The following C1QTNF8 variants were observed in gnomAD, a reference collection of about 807,000 sequenced individuals.
C1QTNF8 encodes the protein complement C1q tumor necrosis factor-related protein 8.
C1QTNF8 carries 27 observed loss-of-function variants against 19.2 expected under a neutral mutation model. The ratio of observed to expected loss-of-function variants is 1.41; its 90% CI spans 1.04 to 1.94. The LOEUF is 1.94. Among genes scored for constraint, C1QTNF8 ranks in the 30% most tolerant of loss-of-function variants. The pLI, the probability that C1QTNF8 is intolerant of heterozygous loss-of-function variation, is 0.00. For synonymous variants in C1QTNF8, 208 were observed against 172.8 expected (o/e 1.20, Z -1.60); for missense variants, 484 against 374.4 (o/e 1.29, Z -2.42).
rs1567392820 is a variant in C1QTNF8 at position 1,093,500 on chromosome 16, G to GCTACAGCT, written c.752_759dup. 6.6e-7 allele frequency: 1 copy of GCTACAGCT among 1,512,378 alleles called. No homozygotes were observed. The highest frequency in any genetic ancestry group is 2.4e-5 in the East Asian group (1 of 42,164). The allele number at this position is 1,512,378 out of a possible 1,614,324, so 93.7% of individuals were successfully genotyped here. A position where few individuals can be genotyped will look rare whatever the true frequency, so the allele number is the denominator to read the frequency against. On this transcript the variant is annotated 3_prime_UTR_variant, in exon 4 of 5. Transcript: ENST00000328449. ...GCTCAGCCGCGGGGCCCCTCACCCG[G>GCTACAGCT]CTACAGCTCGGCGGCCGGCTTGACC...
chr16:1,095,033 C>G, intron 2 of C1QTNF8, 100 bp from the exon 3 acceptor site: 1 of 481,666 alleles, frequency 2.1e-6, no homozygotes, highest in Non-Finnish European at 3.4e-6. Context: ...GGGAATACAG[C>G]CAGTGGAGGC....
In C1QTNF8 at chr16:1,093,574, G is replaced by T. The variant is rs1202327665; in HGVS notation, c.686C>A (p.Ala229Asp). Residue 229 changes from alanine (A) to aspartate (D), a missense_variant, in exon 4 of 5, where the codon GCC (alanine) becomes GAC (aspartate). Ala to Asp is a moderately radical substitution (Grantham distance 126, BLOSUM62 -2). Transcript: ENST00000328449. ...VRMFQRDRDN[A>D]IYGEHGDLYI... ...GAGGTCTCCGTGCTCGCCGTAGATG[G>T]CGTTGTCCCGGTCGCGCTGGAACAT... The T allele has an allele frequency of 6.3e-7, 1 of 1,598,718 alleles. No homozygotes were observed. Among genetic ancestry groups the T allele is most frequent in the Admixed American group, 1.7e-5 (1 of 58,640 alleles).
intron 3 of C1QTNF8, 149 bp downstream of exon 3, chr16:1,094,566 G>A (rs1960643665): frequency 5.4e-6 from 3 of 559,662 alleles, no homozygotes; most frequent in South Asian, 3.0e-5. Flanking sequence ...GGGAGCCCAG[G>A]GGTCCCTGTG....
chr16:1,091,455 C>A (rs1284340746), intron 4 of C1QTNF8, among the ~76,000 whole-genome samples: 1 of 152,046 alleles, frequency 6.6e-6, no homozygotes, highest in African/African-American at 2.4e-5. Context: ...GGAGGTGGTT[C>A]CAGAGACAAG....
At chr16:1,091,799 G>C (rs1960549378) in intron 4 of C1QTNF8, among the ~76,000 whole-genome samples, 1 of 150,696 alleles carries the variant, frequency 6.6e-6, no homozygotes, top group South Asian at 2.1e-4. Flanking sequence ...GCGCTCAGCC[G>C]CGTGTTTCCT....
intron 4 of C1QTNF8, among the ~76,000 whole-genome samples, chr16:1,091,947 G>C (rs148072546): frequency 6.6e-6 from 1 of 152,232 alleles, no homozygotes; most frequent in Non-Finnish European, 1.5e-5. Flanking sequence ...CCGGGCAGGT[G>C]CTTGGCAAAT....
Position 1,093,729 on chromosome 16 carries a change from C to G in C1QTNF8, c.531G>C (p.Glu177Asp), listed in dbSNP as rs762444272. The change falls in exon 4 of 5, where the codon GAG (glutamate) becomes GAC (aspartate). Residue 177 changes from glutamate (E) to aspartate (D), a missense_variant. Transcript: ENST00000328449. ...SLNVHTWNYK[E>D]TYLHIMLNRR... Reference sequence around the variant, plus strand: ...GGTTCAGCATGATGTGCAGGTAGGTCTCCTTGTAGTTCCAGGTGTGCACGT... The same window carrying G: ...GGTTCAGCATGATGTGCAGGTAGGTGTCCTTGTAGTTCCAGGTGTGCACGT... The G allele has an allele frequency of 6.2e-7, 1 of 1,611,964 alleles. No homozygotes were observed. The highest frequency in any genetic ancestry group is 1.3e-5 in the African/African-American group (1 of 74,908).
At chr16:1,094,654 A>T in intron 3 of C1QTNF8, 61 bp downstream of exon 3, 1 of 1,427,684 alleles carries the variant, frequency 7.0e-7, no homozygotes, top group Non-Finnish European at 9.6e-7. Flanking sequence ...GGTGCTCCCC[A>T]CTCCCTGTGG....
At chr16:1,093,170 TCCCTGCACACAG>T in intron 4 of C1QTNF8, among the ~76,000 whole-genome samples, 2 of 144,978 alleles carry the variant, frequency 1.4e-5, no homozygotes, top group Admixed American at 6.8e-5. Context: ...GCTCAATCAA[TCCCTGCACACAG>T]TCGGCGCTCA....
Position 1,094,923 on chromosome 16 carries a change from C to A in C1QTNF8, c.-1G>T. 2 of 1,296,938 alleles carry A rather than the reference C, an allele frequency of 1.5e-6. No individual in the cohort carries two copies. Among genetic ancestry groups the A allele is most frequent in the Non-Finnish European group, 2.0e-6 (2 of 1,014,606 alleles). 80.3% of individuals were successfully genotyped at this position (1,296,938 alleles called of 1,614,324 possible). ...GGAGCAGCAGGGCGGGGGCTGCCAT[C>A]TTGGCCAGGGCTGGGGGAGAGGAAA... On this transcript the variant is annotated 5_prime_UTR_variant, in exon 3 of 5. Coordinates refer to ENST00000328449, the MANE Select transcript of C1QTNF8 (RefSeq NM_207419.3).
rs1397435231 is a variant in C1QTNF8, at chr16:1,090,214, G to C, written c.*385C>G. The C allele has an allele frequency of 6.6e-6, 1 of 152,428 alleles. No homozygotes were observed. The highest frequency in any genetic ancestry group is 2.4e-5 in the African/African-American group (1 of 41,460). 9.4% of individuals were successfully genotyped at this position (152,428 alleles called of 1,614,324 possible). A position where few individuals can be genotyped will look rare whatever the true frequency, so the allele number is the denominator to read the frequency against. On this transcript the variant is annotated 3_prime_UTR_variant, in exon 5 of 5. Coordinates refer to ENST00000328449, the MANE Select transcript of C1QTNF8 (RefSeq NM_207419.3). ...CGGGGCCACTTGGGGGTGCTGAGGGGCAGCCTGGCCCCAGGGACAGCCTCA... is the reference window on the plus strand; with the variant it reads ...CGGGGCCACTTGGGGGTGCTGAGGGCCAGCCTGGCCCCAGGGACAGCCTCA...
chr16:1,093,603 C>T lies in C1QTNF8; in HGVS notation c.657G>A (p.Val219=). 2 of 1,603,166 alleles carry T rather than the reference C, an allele frequency of 1.2e-6. No individual in the cohort carries two copies. The highest frequency in any genetic ancestry group is 1.7e-6 in the Non-Finnish European group (2 of 1,175,276). Residue 219 remains valine (V), a synonymous_variant, in exon 4 of 5, where the codon GTG becomes GTA. Coordinates refer to ENST00000328449, the MANE Select transcript of C1QTNF8 (RefSeq NM_207419.3). ...LLLAAGDAVW[V]RMFQRDRDNA... is the part of the protein sequence containing the mutation. ...TGTCCCGGTCGCGCTGGAACATGCG[C>T]ACCCAGACGGCGTCGCCCGCCGCCA...
rs755605082 is a variant in C1QTNF8, at chr16:1,093,922, C to G, written c.338G>C (p.Arg113Pro). 2.6e-6 allele frequency: 4 copies of G among 1,513,176 alleles called. No homozygotes were observed. The South Asian group carries it at 5.0e-5, about 19-fold the overall frequency. The allele number at this position is 1,513,176 out of a possible 1,614,324, so 93.7% of individuals were successfully genotyped here. A position where few individuals can be genotyped will look rare whatever the true frequency, so the allele number is the denominator to read the frequency against. Residue 113 changes from arginine (R) to proline (P), a missense_variant, in exon 4 of 5, where the codon CGA (arginine) becomes CCA (proline). Transcript: ENST00000328449. ...GQVGPPGAAC[R>P]RAYAAFSVGR... Reference sequence around the variant, plus strand: ...CACGGAGAAGGCGGCGTAGGCACGTCGGCACGCGGCGCCCGGCGGCCCCAC... The same window carrying G: ...CACGGAGAAGGCGGCGTAGGCACGTGGGCACGCGGCGCCCGGCGGCCCCAC...
intron 4 of C1QTNF8, 44 bp downstream of exon 4, chr16:1,093,453 C>A (rs1394469034): frequency 3.1e-5 from 43 of 1,394,072 alleles, no homozygotes; most frequent in Non-Finnish European, 2.2e-5. Flanking sequence ...GACACACACA[C>A]ACACGCGCGC....
chr16:1,089,779 C>T lies in C1QTNF8; in HGVS notation c.*820G>A, dbSNP rs866650878. Among the ~76,000 whole-genome samples the T allele has an allele frequency of 2.0e-5, 3 of 152,092 alleles. No individual in the cohort carries two copies. The highest frequency in any genetic ancestry group is 3.9e-4 in the East Asian group (2 of 5,180). ...GGGGTAGGGCTGGGGGTGTCCCGGT[C>T]GGGGTGGGAGGCCTGGGGTCTGCCA... is the stretch of plus-strand genomic sequence containing the variant. On this transcript the variant is annotated 3_prime_UTR_variant, in exon 5 of 5. Transcript: ENST00000328449.
Position 1,095,743 on chromosome 16 carries a change from T to C in C1QTNF8, c.-140A>G, listed in dbSNP as rs1465064268. 6.6e-6 allele frequency: 1 copy of C among 152,268 alleles called. No individual in the cohort carries two copies. Among genetic ancestry groups the C allele is most frequent in the East Asian group, 1.9e-4 (1 of 5,198 alleles). The allele number at this position is 152,268 out of a possible 1,614,324, so 9.4% of individuals were successfully genotyped here. ...CTGGACAAAGATCTAGGCTGCCTCC[T>C]TCAGGAAGCCCTCTGGGATTGTAGC... On this transcript the variant is annotated 5_prime_UTR_variant, in exon 2 of 5. Coordinates refer to ENST00000328449, the MANE Select transcript of C1QTNF8 (RefSeq NM_207419.3).
In C1QTNF8 at chr16:1,090,359, C is replaced by T. The variant is rs115357486; in HGVS notation, c.*240G>A. The T allele has an allele frequency of 0.022, 3,384 of 152,424 alleles. 88 individuals carry two copies. Among genetic ancestry groups the T allele is most frequent in the African/African-American group, 0.06 (2,487 of 41,540 alleles). The allele number at this position is 152,424 out of a possible 1,614,324, so 9.4% of individuals were successfully genotyped here. A position where few individuals can be genotyped will look rare whatever the true frequency, so the allele number is the denominator to read the frequency against. ...GGGGCCATGTGTGCACAGCAAATGG[C>T]GGGCCCCTGTAGCCGCCCCTCCTCC... On this transcript the variant is annotated 3_prime_UTR_variant, in exon 5 of 5. Coordinates refer to ENST00000328449, the MANE Select transcript of C1QTNF8 (RefSeq NM_207419.3).
At chr16:1,091,473 G>T (rs112019703) in intron 4 of C1QTNF8, among the ~76,000 whole-genome samples, 4,321 of 152,172 alleles carry the variant, frequency 0.028, 83 homozygotes, top group African/African-American at 0.052. Flanking sequence ...AAGTGAGCAC[G>T]TGGCTGGGAG....
rs1960516208 is a variant in C1QTNF8 at position 1,090,212 on chromosome 16, G to A, written c.*387C>T. ...TACGGGGCCACTTGGGGGTGCTGAGGGGCAGCCTGGCCCCAGGGACAGCCT... is the reference window on the plus strand; with the variant it reads ...TACGGGGCCACTTGGGGGTGCTGAGAGGCAGCCTGGCCCCAGGGACAGCCT... On this transcript the variant is annotated 3_prime_UTR_variant, in exon 5 of 5. Transcript: ENST00000328449. The A allele has an allele frequency of 6.6e-6, 1 of 152,398 alleles. No individual in the cohort carries two copies. The highest frequency in any genetic ancestry group is 1.5e-5 in the Non-Finnish European group (1 of 68,180). 9.4% of individuals were successfully genotyped at this position (152,398 alleles called of 1,614,324 possible). A position where few individuals can be genotyped will look rare whatever the true frequency, so the allele number is the denominator to read the frequency against.
Sources: gnomAD v4.1 joint callset for allele counts (sites outside exome capture counted in the v4.1 genomes callset) on GRCh38, gnomAD v4.1.1 for gene constraint, MANE v1.5 for transcripts, NCBI Gene and HGNC (gene_info 2026-07-23, HGNC 2026-07-21) for gene names.